Variants in SEMA3D observed in about 807,000 individuals in gnomAD.
SEMA3D encodes the protein semaphorin 3D.
SEMA3D carries 84 observed loss-of-function variants against 100.1 expected under a neutral mutation model. The ratio of observed to expected loss-of-function variants is 0.84; its 90% CI spans 0.70 to 1.01. The LOEUF (loss-of-function observed/expected upper bound fraction) is 1.01, where lower values mean the gene tolerates loss of function less well. Ranked by LOEUF, SEMA3D falls within the 50% of genes least tolerant of loss-of-function variation. SEMA3D has a pLI of 0.00. For synonymous variants in SEMA3D, 312 were observed against 320.7 expected, an observed-to-expected ratio of 0.97 and a Z score of 0.29; for missense variants, 875 against 934.1, an observed-to-expected ratio of 0.94 and a Z score of 0.82.
the SEMA3D span, among the ~76,000 whole-genome samples, chr7:85,211,428 T>A: frequency 6.6e-6 from 1 of 152,144 alleles, no homozygotes; most frequent in East Asian, 1.9e-4. Flanking sequence ...CCTGAATATT[T>A]TCTTTTATAT....
At chr7:85,029,289 C>A in intron 12 of SEMA3D, 1 of 964,076 alleles carries the variant, frequency 1.0e-6, no homozygotes, top group South Asian at 1.3e-5. Context: ...GCCATTTGAG[C>A]AAGGAAGACA....
chr7:85,012,512 T>G (rs932408025), intron 17 of SEMA3D, among the ~76,000 whole-genome samples: 1 of 151,766 alleles, frequency 6.6e-6, no homozygotes, highest in African/African-American at 2.4e-5. Context: ...TTTATAAGGA[T>G]GGATAAGGTA....
intron 17 of SEMA3D, among the ~76,000 whole-genome samples, chr7:85,011,939 G>C (rs149953170): frequency 6.6e-6 from 1 of 151,472 alleles, no homozygotes; most frequent in Non-Finnish European, 1.5e-5. Flanking sequence ...CCACCTGTTC[G>C]TGTGTGTGTG....
At chr7:85,073,138 T>C in intron 5 of SEMA3D, 57 bp from the exon 6 acceptor site, 2 of 1,492,674 alleles carry the variant, frequency 1.3e-6, no homozygotes, top group Non-Finnish European at 1.8e-6. Context: ...TGAAATATTA[T>C]CATTTATGCC....
At position 85,156,620 on chromosome 7, in the gene SEMA3D, A is replaced by G. The variant is rs563480667; in HGVS notation, c.-172-2881T>C. 7.9e-5 allele frequency among the ~76,000 whole-genome samples: 12 copies of G among 152,320 alleles called. No homozygotes were observed. The East Asian group carries it at 2.3e-3, about 29-fold the overall frequency. Reference sequence around the variant, plus strand: ...TAAGAATTTATCCTAATTTATGAGCAAATTTCATCTCCTTATGAGTTGCTT... The same window carrying G: ...TAAGAATTTATCCTAATTTATGAGCGAATTTCATCTCCTTATGAGTTGCTT... On this transcript the variant is annotated intron_variant, in intron 1 of 18. Transcript: ENST00000284136.
At chr7:85,043,156 G>A (rs1181771924) in intron 9 of SEMA3D, among the ~76,000 whole-genome samples, 4 of 152,024 alleles carry the variant, frequency 2.6e-5, no homozygotes, top group African/African-American at 9.7e-5. Flanking sequence ...CCAGTAGTTC[G>A]AGACCAGTAT....
intron 2 of SEMA3D, 118 bp from the exon 3 acceptor site, chr7:85,122,049 G>A (rs1199961977): frequency 1.8e-6 from 1 of 563,008 alleles, no homozygotes; most frequent in Non-Finnish European, 3.0e-6. Context: ...AGAACACATG[G>A]ACACAGGGAG....
intron 17 of SEMA3D, among the ~76,000 whole-genome samples, chr7:85,007,251 C>A (rs1290106356): frequency 6.6e-6 from 1 of 151,544 alleles, no homozygotes; most frequent in East Asian, 1.9e-4. Context: ...CTGAATAAAT[C>A]TTTTGCATCT....
At chr7:85,246,375 C>A in the SEMA3D span, among the ~76,000 whole-genome samples, 2 of 151,938 alleles carry the variant, frequency 1.3e-5, no homozygotes, top group Non-Finnish European at 2.9e-5. Context: ...TCATAACTTT[C>A]CAAAAGTTGT....
At position 85,012,791 on chromosome 7, in the gene SEMA3D, T is replaced by A; in HGVS notation, c.1759A>T (p.Ile587Phe). 6.2e-7 allele frequency: 1 copy of A among 1,609,848 alleles called. No homozygotes were observed. Among genetic ancestry groups the A allele is most frequent in the South Asian group, 1.1e-5 (1 of 91,000 alleles). Residue 587 changes from isoleucine to phenylalanine, a missense_variant, in exon 17 of 19, where the codon ATC becomes TTC. Ile to Phe is a conservative substitution (Grantham distance 21). Transcript: ENST00000284136. Reference protein sequence around the residue: ...YGDPITQCWDIEDSISHETAD... With the variant: ...YGDPITQCWDFEDSISHETAD... The stretch of plus-strand genomic sequence containing the variant: ...TCAGAGCTGTACTTACTGTCTTCGA[T>A]GTCCCAGCACTGGGTGATTGGGTCG...
chr7:85,194,386 G>A, the SEMA3D span, among the ~76,000 whole-genome samples: 40 of 152,172 alleles, frequency 2.6e-4, no homozygotes, highest in African/African-American at 8.9e-4. Context: ...CTCTATTCTC[G>A]TTTGTTGACA....
At chr7:85,106,847 C>A (rs1478699932) in intron 3 of SEMA3D, among the ~76,000 whole-genome samples, 1 of 151,930 alleles carries the variant, frequency 6.6e-6, no homozygotes, top group African/African-American at 2.4e-5. Context: ...AACCATCAGA[C>A]CTCATGACAA....
upstream of SEMA3D, among the ~76,000 whole-genome samples, chr7:85,191,386 C>T (rs1791691415): frequency 1.2e-5 from 1 of 84,178 alleles, no homozygotes. Context: ...TTCCTATGCA[C>T]AATATAAAAA....
chr7:85,239,781 T>C, the SEMA3D span, among the ~76,000 whole-genome samples: 2 of 152,174 alleles, frequency 1.3e-5, no homozygotes, highest in African/African-American at 4.8e-5. Flanking sequence ...TTAACTCACA[T>C]TGTGCACTCT....
At chr7:85,066,913 C>CACAGAGAGAG in intron 7 of SEMA3D, among the ~76,000 whole-genome samples, 257 of 127,814 alleles carry the variant, frequency 2.0e-3, no homozygotes, top group African/African-American at 7.7e-3. Context: ...CACACACACA[C>CACAGAGAGAG]AGAGAGAGAG....
At chr7:85,000,167 A>G (rs1429250064) in intron 18 of SEMA3D, among the ~76,000 whole-genome samples, 1 of 152,174 alleles carries the variant, frequency 6.6e-6, no homozygotes, top group Non-Finnish European at 1.5e-5. Flanking sequence ...AAAACTGTGA[A>G]AAGTAATGAA....
chr7:85,015,025 G>A, intron 16 of SEMA3D, 34 bp downstream of exon 16: 1 of 1,551,096 alleles, frequency 6.4e-7, no homozygotes, highest in Non-Finnish European at 8.9e-7. Flanking sequence ...CTTGTAGAAA[G>A]GAAGCCTTTA....
intron 2 of SEMA3D, among the ~76,000 whole-genome samples, chr7:85,148,862 AC>A (rs1790287932): frequency 6.6e-6 from 1 of 152,046 alleles, no homozygotes; most frequent in Non-Finnish European, 1.5e-5. Flanking sequence ...TGCTATATAA[AC>A]ATTTATATTG....
At chr7:85,241,467 GTATA>G in the SEMA3D span, among the ~76,000 whole-genome samples, 1,447 of 91,982 alleles carry the variant, frequency 0.016, 150 homozygotes, top group African/African-American at 0.053. Context: ...CTGTGTGTGT[GTATA>G]TATATATATA....
Sources: gnomAD v4.1 joint callset for allele counts (sites outside exome capture counted in the v4.1 genomes callset) on GRCh38, gnomAD v4.1.1 for gene constraint, MANE v1.5 for transcripts, NCBI Gene and HGNC (gene_info 2026-07-23, HGNC 2026-07-21) for gene names.